NYAP2: variants seen among roughly 807,000 people sequenced by gnomAD.
NYAP2 encodes neuronal tyrosine-phosphorylated phosphoinositide-3-kinase adapter 2.
A neutral mutation model predicts 50.4 loss-of-function variants in NYAP2; 23 were observed. The observed-to-expected ratio is 0.46, with a 90% confidence interval of 0.33 to 0.65. The LOEUF is 0.65. NYAP2 is among the 30% of genes least tolerant of loss of function. The pLI is 0.02. For synonymous variants in NYAP2, 394 were observed against 365.2 expected (o/e 1.08, Z -0.90); for missense variants, 885 against 861.0 (o/e 1.03, Z -0.35).
intron 3 of NYAP2, among the ~76,000 whole-genome samples, chr2:225,465,717 A>G (rs1005650102): frequency 6.6e-6 from 1 of 152,026 alleles, no homozygotes; most frequent in Non-Finnish European, 1.5e-5. Flanking sequence ...CTCTGTCTCA[A>G]AAAACAAACA....
chr2:225,665,695 G>C, the NYAP2 span, among the ~76,000 whole-genome samples: 1 of 149,864 alleles, frequency 6.7e-6, no homozygotes, highest in African/African-American at 2.5e-5. Context: ...TGTAATCACA[G>C]CTACTCAGGA....
intron 4 of NYAP2, among the ~76,000 whole-genome samples, chr2:225,579,873 T>G (rs145252722): frequency 0.012 from 1,797 of 152,322 alleles, 31 homozygotes; most frequent in African/African-American, 0.041. Flanking sequence ...TGAAAGCAAA[T>G]TATAATTTAA....
chr2:225,695,714 T>C, the NYAP2 span, among the ~76,000 whole-genome samples: 2 of 152,074 alleles, frequency 1.3e-5, no homozygotes, highest in South Asian at 2.1e-4. Flanking sequence ...GCACAGATTA[T>C]CATGTTATGA....
At chr2:225,579,659 A>G (rs912375970) in intron 4 of NYAP2, among the ~76,000 whole-genome samples, 6 of 152,178 alleles carry the variant, frequency 3.9e-5, no homozygotes, top group African/African-American at 1.4e-4. Context: ...AGTGTTGTTC[A>G]TCAACCGTTG....
Position 225,518,887 on chromosome 2 carries a change from G to T in NYAP2, c.523+5215G>T, listed in dbSNP as rs149579840. ...ATAAAAACTAGCCAGGCATGTGGGC[G>T]GGAGCCTGTAATCCCAGCTACTCAG... On this transcript the variant is annotated intron_variant, in intron 4 of 6. Transcript: ENST00000636099. 1.3e-4 allele frequency among the ~76,000 whole-genome samples: 19 copies of T among 151,840 alleles called. No individual in the cohort carries two copies. The East Asian group carries it at 2.7e-3, about 22-fold the overall frequency.
chr2:225,459,033 CA>C (rs1269265054), intron 3 of NYAP2, among the ~76,000 whole-genome samples: 12 of 152,154 alleles, frequency 7.9e-5, no homozygotes, highest in Non-Finnish European at 4.4e-5. Context: ...ACAAAAGATG[CA>C]TATTCACCAA....
At chr2:225,604,923 A>G (rs1479936850) in intron 5 of NYAP2, among the ~76,000 whole-genome samples, 1 of 152,150 alleles carries the variant, frequency 6.6e-6, no homozygotes, top group Non-Finnish European at 1.5e-5. Context: ...TGAAATTTTA[A>G]TAGCTATGAC....
chr2:225,428,544 C>T (rs150795840), intron 3 of NYAP2, among the ~76,000 whole-genome samples: 12 of 152,328 alleles, frequency 7.9e-5, no homozygotes, highest in African/African-American at 2.2e-4. Flanking sequence ...ATGAGTGTGG[C>T]AGTGTTTCAA....
intron 5 of NYAP2, among the ~76,000 whole-genome samples, chr2:225,624,187 G>A (rs1693169784): frequency 6.6e-6 from 1 of 152,168 alleles, no homozygotes; most frequent in East Asian, 1.9e-4. Context: ...GCCTTTACTT[G>A]TTCAGGGTGC....
At chr2:225,538,628 T>C (rs540281172) in intron 4 of NYAP2, among the ~76,000 whole-genome samples, 1 of 152,152 alleles carries the variant, frequency 6.6e-6, no homozygotes, top group East Asian at 1.9e-4. Flanking sequence ...ATGGGAGAGG[T>C]TGCTGTGAAG....
Position 225,615,196 on chromosome 2 carries a change from G to A in NYAP2, c.1619-11721G>A, listed in dbSNP as rs532578618. 3.0e-4 allele frequency among the ~76,000 whole-genome samples: 46 copies of A among 152,250 alleles called. 1 individual carries two copies. The highest frequency in any genetic ancestry group is 9.2e-4 in the Admixed American group (14 of 15,282). On this transcript the variant is annotated intron_variant, in intron 5 of 6. Coordinates refer to ENST00000636099, the Ensembl canonical transcript of NYAP2. The stretch of plus-strand genomic sequence containing the variant: ...CATGGCTTAACTAGATGCCCAGAAA[G>A]AAGGACAAAGGGATTTGGTCAGCAT...
chr2:225,605,851 G>T (rs1692775589), intron 5 of NYAP2, among the ~76,000 whole-genome samples: 1 of 151,912 alleles, frequency 6.6e-6, no homozygotes. Context: ...CAAATAAAAT[G>T]CTTTCATTTT....
intron 4 of NYAP2, among the ~76,000 whole-genome samples, chr2:225,575,027 C>T (rs1046378414): frequency 1.3e-5 from 2 of 152,156 alleles, no homozygotes; most frequent in African/African-American, 4.8e-5. Context: ...TTCCTTAGTG[C>T]TCTGTCTCCT....
intron 3 of NYAP2, among the ~76,000 whole-genome samples, chr2:225,460,692 T>A (rs1689814394): frequency 1.3e-5 from 2 of 152,236 alleles, no homozygotes; most frequent in Admixed American, 1.3e-4. Context: ...ACCATCGCTT[T>A]GGAATTTAAA....
chr2:225,538,826 CTTT>C (rs1691403540), intron 4 of NYAP2, among the ~76,000 whole-genome samples: 4 of 72,386 alleles, frequency 5.5e-5, no homozygotes, highest in Admixed American at 4.1e-4. Context: ...TTCTTTCTTT[CTTT>C]CTTTCTTTCT....
intron 5 of NYAP2, among the ~76,000 whole-genome samples, chr2:225,624,410 A>C (rs555344013): frequency 4.5e-4 from 68 of 152,282 alleles, no homozygotes; most frequent in African/African-American, 1.6e-3. Context: ...AGTTGTTCCT[A>C]AGTTGGAAAC....
rs376784365 is a variant in NYAP2, at chr2:225,496,309, GA to G, written c.222-17052del. On this transcript the variant is annotated intron_variant, in intron 3 of 6. Coordinates refer to ENST00000636099, the Ensembl canonical transcript of NYAP2. ...CTGAGTGTGGTGGCTATGACAGGAAGAAAAAAAAAATATCTTTGGGGAGAAG... is the reference window on the plus strand; with the variant it reads ...CTGAGTGTGGTGGCTATGACAGGAAGAAAAAAAAATATCTTTGGGGAGAAG... 5.0e-3 allele frequency among the ~76,000 whole-genome samples: 738 copies of G among 149,036 alleles called. 6 individuals are homozygous for G. The highest frequency in any genetic ancestry group is 0.017 in the African/African-American group (674 of 40,792).
At chr2:225,697,480 T>C in the NYAP2 span, among the ~76,000 whole-genome samples, 1 of 151,976 alleles carries the variant, frequency 6.6e-6, no homozygotes, top group African/African-American at 2.4e-5. Flanking sequence ...GCACTTAAAA[T>C]CATTTTGATG....
chr2:225,684,126 T>C, the NYAP2 span, among the ~76,000 whole-genome samples: 1 of 152,188 alleles, frequency 6.6e-6, no homozygotes, highest in Non-Finnish European at 1.5e-5. Flanking sequence ...TTTATTTAGA[T>C]GGTCTGGTCA....
Sources: gnomAD v4.1 joint callset for allele counts (sites outside exome capture counted in the v4.1 genomes callset) on GRCh38, gnomAD v4.1.1 for gene constraint, MANE v1.5 for transcripts, NCBI Gene and HGNC (gene_info 2026-07-23, HGNC 2026-07-21) for gene names.